Variants in MCTP1 observed in about 807,000 individuals in gnomAD.
MCTP1 encodes the protein multiple C2 and transmembrane domain-containing protein 1.
MCTP1 carries 69 observed loss-of-function variants against 120.6 expected under a neutral mutation model. The ratio of observed to expected loss-of-function variants is 0.57; its 90% CI spans 0.47 to 0.70. MCTP1 has a LOEUF of 0.70. Among genes scored for constraint, MCTP1 ranks in the 30% least tolerant of loss-of-function variants. The pLI, the probability that MCTP1 is intolerant of heterozygous loss-of-function variation, is 0.00. For synonymous variants in MCTP1, 529 were observed against 493.1 expected (o/e 1.07, Z -0.96); for missense variants, 1,203 against 1,248.8 (o/e 0.96, Z 0.55).
intron 1 of MCTP1, among the ~76,000 whole-genome samples, chr5:95,052,452 G>C (rs909863507): frequency 6.6e-6 from 1 of 152,142 alleles, no homozygotes; most frequent in Non-Finnish European, 1.5e-5. Flanking sequence ...TGGAATTCCT[G>C]TATTTTATCT....
chr5:94,737,052 G>A (rs775359050), intron 19 of MCTP1, among the ~76,000 whole-genome samples: 1 of 152,146 alleles, frequency 6.6e-6, no homozygotes, highest in Non-Finnish European at 1.5e-5. Context: ...CCGTGGCAAT[G>A]ATCATGACTC....
chr5:94,717,535 G>A (rs934420477), intron 19 of MCTP1, among the ~76,000 whole-genome samples: 1 of 152,116 alleles, frequency 6.6e-6, no homozygotes, highest in South Asian at 2.1e-4. Flanking sequence ...AATCAGGCAA[G>A]AGAGAGAAAT....
chr5:94,781,995 T>G (rs1776676011), intron 18 of MCTP1, among the ~76,000 whole-genome samples: 1 of 152,126 alleles, frequency 6.6e-6, no homozygotes, highest in Admixed American at 6.6e-5. Context: ...ATATAGATGG[T>G]TTCCTATCGA....
chr5:95,075,768 CT>C (rs1460647352), intron 1 of MCTP1, among the ~76,000 whole-genome samples: 4 of 152,282 alleles, frequency 2.6e-5, no homozygotes, highest in African/African-American at 9.6e-5. Context: ...GAAACAATAA[CT>C]TTCTTAACAC....
chr5:95,107,644 A>T (rs529644284), intron 1 of MCTP1, among the ~76,000 whole-genome samples: 1 of 152,212 alleles, frequency 6.6e-6, no homozygotes, highest in Non-Finnish European at 1.5e-5. Context: ...TTTAAATACC[A>T]TTCCTCAGGT....
chr5:95,283,773 C>T, intron 1 of MCTP1, 83 bp downstream of exon 1: 1 of 1,152,580 alleles, frequency 8.7e-7, no homozygotes, highest in Non-Finnish European at 1.1e-6. Flanking sequence ...CGGCCCCCGC[C>T]CCCCGCTCCC....
chr5:94,876,646 C>A (rs1346180605), intron 12 of MCTP1, among the ~76,000 whole-genome samples: 1 of 151,994 alleles, frequency 6.6e-6, no homozygotes, highest in Non-Finnish European at 1.5e-5. Context: ...CCTGAAGCCC[C>A]ATTATTTTGG....
chr5:95,089,292 C>T (rs1250560227), intron 1 of MCTP1, among the ~76,000 whole-genome samples: 1 of 152,088 alleles, frequency 6.6e-6, no homozygotes, highest in Admixed American at 6.6e-5. Context: ...CATTGGAATA[C>T]TTTTGAGAAA....
At chr5:95,212,767 T>G (rs1250831290) in intron 1 of MCTP1, among the ~76,000 whole-genome samples, 1 of 152,044 alleles carries the variant, frequency 6.6e-6, no homozygotes, top group African/African-American at 2.4e-5. Flanking sequence ...AAAAACCACA[T>G]GATTATCTCA....
At chr5:94,851,180 T>C (rs1349088701) in intron 17 of MCTP1, among the ~76,000 whole-genome samples, 2 of 152,092 alleles carry the variant, frequency 1.3e-5, no homozygotes, top group Non-Finnish European at 2.9e-5. Flanking sequence ...AGTTTAAAAA[T>C]GCAGATCTTT....
rs1026662229 is a variant in MCTP1 at position 95,284,776 on chromosome 5, C to T, written c.-201G>A. Reference sequence around the variant, plus strand: ...AAAGAAGCGGCCGCCGCCGCCGAGGCTCTCTGGCCTCGGGACTCCGGCGCT... The same window carrying T: ...AAAGAAGCGGCCGCCGCCGCCGAGGTTCTCTGGCCTCGGGACTCCGGCGCT... On this transcript the variant is annotated 5_prime_UTR_variant, in exon 1 of 23. Transcript: ENST00000515393. The surrounding 1 kb of genome is among the most constrained non-coding windows in gnomAD (Gnocchi z 5.2). Among the ~76,000 whole-genome samples, 7 of 152,082 alleles carry T rather than the reference C, an allele frequency of 4.6e-5. No individual in the cohort carries two copies. Among genetic ancestry groups the T allele is most frequent in the Non-Finnish European group, 8.8e-5 (6 of 67,990 alleles).
chr5:94,851,928 T>C (rs1050492733), intron 17 of MCTP1, among the ~76,000 whole-genome samples: 3 of 151,814 alleles, frequency 2.0e-5, no homozygotes, highest in African/African-American at 7.2e-5. Flanking sequence ...TCATGAAGAG[T>C]AAATGTTTTA....
intron 1 of MCTP1, among the ~76,000 whole-genome samples, chr5:95,140,504 A>T (rs1759814921): frequency 6.6e-6 from 1 of 152,038 alleles, no homozygotes; most frequent in Non-Finnish European, 1.5e-5. Flanking sequence ...GTAAAAGCAT[A>T]TTCTTTTCAG....
intron 22 of MCTP1, among the ~76,000 whole-genome samples, chr5:94,708,054 T>C (rs1272791174): frequency 6.6e-6 from 1 of 151,930 alleles, no homozygotes; most frequent in Non-Finnish European, 1.5e-5. Context: ...TTTTGAGATA[T>C]GCTCCACTCT....
At chr5:95,226,055 T>A (rs1013586543) in intron 1 of MCTP1, among the ~76,000 whole-genome samples, 1 of 152,152 alleles carries the variant, frequency 6.6e-6, no homozygotes, top group Non-Finnish European at 1.5e-5. Flanking sequence ...GTTACATAAG[T>A]TCTTTCGCGG....
intron 2 of MCTP1, among the ~76,000 whole-genome samples, chr5:95,002,252 T>G (rs973769533): frequency 2.6e-5 from 4 of 152,108 alleles, no homozygotes; most frequent in Admixed American, 2.0e-4. Flanking sequence ...TAGGGCAGTG[T>G]GGAAGGGAAA....
intron 2 of MCTP1, among the ~76,000 whole-genome samples, chr5:95,015,053 T>C (rs1836815989): frequency 1.3e-5 from 2 of 152,144 alleles, no homozygotes; most frequent in Non-Finnish European, 2.9e-5. Context: ...ATTTTTAAAA[T>C]TAAGGTACAT....
intron 17 of MCTP1, among the ~76,000 whole-genome samples, chr5:94,852,605 T>C (rs2153225335): frequency 6.6e-6 from 1 of 152,142 alleles, no homozygotes; most frequent in South Asian, 2.1e-4. Context: ...CATTATTCTG[T>C]TGGCGTAATT....
intron 3 of MCTP1, among the ~76,000 whole-genome samples, chr5:94,946,168 A>G (rs1418509253): frequency 3.3e-5 from 5 of 152,198 alleles, no homozygotes; most frequent in African/African-American, 1.2e-4. Flanking sequence ...CCAGTTCTCT[A>G]TCAGAGCTTC....
Sources: gnomAD v4.1 joint callset for allele counts (sites outside exome capture counted in the v4.1 genomes callset) on GRCh38, gnomAD v4.1.1 for gene constraint, Gnocchi (gnomAD v3.1) non-coding constraint, MANE v1.5 for transcripts, NCBI Gene and HGNC (gene_info 2026-07-23, HGNC 2026-07-21) for gene names.